The following SMAD3 variants were observed in gnomAD, a reference collection of about 807,000 sequenced individuals.
The protein encoded by SMAD3 is MAD homolog 3.
SMAD3 carries 12 observed loss-of-function variants against 51.8 expected under a neutral mutation model. The observed-to-expected ratio is 0.23, with a 90% confidence interval of 0.15 to 0.38. The LOEUF is 0.38. Among genes scored for constraint, SMAD3 ranks in the 10% least tolerant of loss-of-function variants. The pLI is 1.00. For missense variants in SMAD3, 294 were observed against 565.6 expected (o/e 0.52, Z 4.87); for synonymous variants, 238 against 227.7 (o/e 1.05, Z -0.41).
At chr15:67,081,544 T>C (rs1341396968) in intron 1 of SMAD3, among the ~76,000 whole-genome samples, 1 of 152,122 alleles carries the variant, frequency 6.6e-6, no homozygotes, top group Non-Finnish European at 1.5e-5. Context: ...GCTTCAATCA[T>C]AAGAGGGCTT....
chr15:67,108,247 G>A (rs936331934), intron 1 of SMAD3, among the ~76,000 whole-genome samples: 2 of 152,148 alleles, frequency 1.3e-5, no homozygotes, highest in African/African-American at 4.8e-5. Flanking sequence ...CATTTGTGGA[G>A]TGACTGATTT....
chr15:67,154,562 C>T (rs1166560501), intron 1 of SMAD3, among the ~76,000 whole-genome samples: 1 of 152,138 alleles, frequency 6.6e-6, no homozygotes, highest in Non-Finnish European at 1.5e-5. Context: ...CACTAGATGT[C>T]TTTGTGGCAC....
chr15:67,181,515 GC>G, intron 6 of SMAD3, 62 bp downstream of exon 6: 1 of 1,090,676 alleles, frequency 9.2e-7, no homozygotes, highest in Non-Finnish European at 1.2e-6. Context: ...CCCACCCCCA[GC>G]CCCAGGCCTG....
At chr15:67,159,631 C>G (rs933534561) in intron 1 of SMAD3, among the ~76,000 whole-genome samples, 16 of 152,256 alleles carry the variant, frequency 1.1e-4, no homozygotes, top group African/African-American at 3.9e-4. Flanking sequence ...AAAAAGTTTC[C>G]AAGTGCACCT....
chr15:67,127,649 C>T (rs11071938), intron 1 of SMAD3, among the ~76,000 whole-genome samples: 41,733 of 152,150 alleles, frequency 0.27, 6,426 homozygotes, highest in Middle Eastern at 0.37. Context: ...CTCTGGAGTT[C>T]CTGAAGATGA....
At chr15:67,170,116 G>T (rs1962706809) in intron 4 of SMAD3, among the ~76,000 whole-genome samples, 1 of 152,190 alleles carries the variant, frequency 6.6e-6, no homozygotes, top group Admixed American at 6.5e-5. Flanking sequence ...GTGTGGGAGG[G>T]CTGGCCTCCT....
In SMAD3 at chr15:67,066,255, CGGTCAAGAGCCT is replaced by C. The variant is rs863223755; in HGVS notation, c.110_121del (p.Ser37_Lys40del). 2 of 1,613,524 alleles carry C rather than the reference CGGTCAAGAGCCT, an allele frequency of 1.2e-6. No homozygotes were observed. Among genetic ancestry groups the C allele is most frequent in the Non-Finnish European group, 8.5e-7 (1 of 1,179,828 alleles). On this transcript the variant is annotated inframe_deletion, in exon 1 of 9. Transcript: ENST00000327367. ...CAGGAGGAGAAATGGTGCGAGAAGG[CGGTCAAGAGCCT>C]GGTCAAGAAACTCAAGAAGACGGGG...
chr15:67,166,931 C>G (rs867973094), intron 4 of SMAD3, 78 bp downstream of exon 4: 1 of 1,100,482 alleles, frequency 9.1e-7, no homozygotes, highest in Non-Finnish European at 1.4e-6. Context: ...CCTTCCTCTT[C>G]GCCCTCTCCC....
chr15:67,162,715 C>T (rs1486326115), intron 1 of SMAD3, among the ~76,000 whole-genome samples: 4 of 151,908 alleles, frequency 2.6e-5, no homozygotes, highest in Non-Finnish European at 5.9e-5. Context: ...ATGTTTTCCA[C>T]TTTCCACAGG....
chr15:67,141,503 C>A (rs1012898862), intron 1 of SMAD3, among the ~76,000 whole-genome samples: 7 of 152,130 alleles, frequency 4.6e-5, no homozygotes, highest in Non-Finnish European at 8.8e-5. Context: ...GCAGTAGTCC[C>A]CAGGATGAGA....
chr15:67,174,072 C>T (rs1962824234), intron 5 of SMAD3, among the ~76,000 whole-genome samples: 1 of 152,188 alleles, frequency 6.6e-6, no homozygotes, highest in Non-Finnish European at 1.5e-5. Flanking sequence ...TTTCCCATAG[C>T]GGGGCCTGAG....
chr15:67,182,859 G>A (rs1253061710), intron 6 of SMAD3, among the ~76,000 whole-genome samples: 1 of 150,790 alleles, frequency 6.6e-6, no homozygotes, highest in Admixed American at 6.6e-5. Context: ...TTTAGAGATA[G>A]GGTCTTGCTA....
chr15:67,154,422 C>T (rs1173744932), intron 1 of SMAD3, among the ~76,000 whole-genome samples: 1 of 152,164 alleles, frequency 6.6e-6, no homozygotes, highest in African/African-American at 2.4e-5. Flanking sequence ...CAAAAACATG[C>T]TTAGCACACT....
At chr15:67,166,943 C>T in intron 4 of SMAD3, 90 bp downstream of exon 4, 2 of 993,112 alleles carry the variant, frequency 2.0e-6, no homozygotes, top group Non-Finnish European at 3.1e-6. Flanking sequence ...CCCTCTCCCT[C>T]CCTCCCTTCT....
chr15:67,168,480 C>T (rs536516669), intron 4 of SMAD3, among the ~76,000 whole-genome samples: 13 of 152,338 alleles, frequency 8.5e-5, no homozygotes, highest in African/African-American at 2.4e-4. Context: ...AGCAGGCCAG[C>T]GGAGCAGCAT....
intron 3 of SMAD3, among the ~76,000 whole-genome samples, chr15:67,165,682 T>G: frequency 6.6e-6 from 1 of 152,232 alleles, no homozygotes; most frequent in Admixed American, 6.5e-5. Context: ...ACTGTTTCTC[T>G]CACCGCCCTT....
In SMAD3 at chr15:67,184,850, G is replaced by A. The variant is rs2140320190; in HGVS notation, c.995G>A (p.Cys332Tyr). The A allele has an allele frequency of 6.2e-7, 1 of 1,613,076 alleles. No individual in the cohort carries two copies. Among genetic ancestry groups the A allele is most frequent in the Non-Finnish European group, 8.5e-7 (1 of 1,180,026 alleles). Residue 332 changes from cysteine to tyrosine, a missense_variant, in exon 7 of 9, where the codon TGC becomes TAC. Cys to Tyr is a radical substitution (Grantham distance 194). This residue lies in a region of SMAD3 where 118 missense variants were observed against 278.0 expected (regional missense o/e 0.42). Coordinates refer to ENST00000327367, the MANE Select transcript of SMAD3 (RefSeq NM_005902.4). Reference protein sequence around the residue: ...QRYGWHPATVCKIPPGCNLKI... With the variant: ...QRYGWHPATVYKIPPGCNLKI... ...TATGGCTGGCACCCGGCCACCGTCTGCAAGATCCCACCAGGTAAACGAGCC... is the reference window on the plus strand; with the variant it reads ...TATGGCTGGCACCCGGCCACCGTCTACAAGATCCCACCAGGTAAACGAGCC...
chr15:67,155,925 G>A (rs1378625372), intron 1 of SMAD3, among the ~76,000 whole-genome samples: 5 of 151,622 alleles, frequency 3.3e-5, no homozygotes, highest in African/African-American at 9.7e-5. Context: ...GGCAGAGGTT[G>A]CAGTGAGCCA....
At chr15:67,143,361 C>T (rs1009489646) in intron 1 of SMAD3, among the ~76,000 whole-genome samples, 1 of 152,192 alleles carries the variant, frequency 6.6e-6, no homozygotes, top group African/African-American at 2.4e-5. Flanking sequence ...ACCTTTGACA[C>T]AGTCTATTGG....
Sources: allele counts gnomAD v4.1 joint callset (sites outside exome capture counted in the v4.1 genomes callset), GRCh38; gene constraint gnomAD v4.1.1; regional missense constraint gnomAD v4.1.1; transcripts MANE v1.5; gene names NCBI Gene and HGNC (gene_info 2026-07-23, HGNC 2026-07-21).